Variants in PTPN4 observed in about 807,000 individuals in gnomAD.
The protein encoded by PTPN4 is protein tyrosine phosphatase non-receptor type 4, also known as tyrosine-protein phosphatase non-receptor type 4.
In PTPN4, 49 loss-of-function variants were observed where a neutral mutation model predicts 135.5. The ratio of observed to expected loss-of-function variants is 0.36; its 90% CI spans 0.29 to 0.46. The LOEUF is 0.46. PTPN4 is among the 20% of genes least tolerant of loss of function. The pLI, the probability that PTPN4 is intolerant of heterozygous loss-of-function variation, is 1.00. For synonymous variants in PTPN4, 333 were observed against 369.9 expected (o/e 0.90, Z 1.14); for missense variants, 860 against 1,101.0 (o/e 0.78, Z 3.10).
chr2:119,854,087 A>G (rs1677636625), intron 2 of PTPN4, among the ~76,000 whole-genome samples: 2 of 152,222 alleles, frequency 1.3e-5, no homozygotes, highest in South Asian at 2.1e-4. Flanking sequence ...GGCTCAGGGC[A>G]TTGGTTTGAC....
chr2:119,793,279 T>C (rs1177692524), intron 1 of PTPN4, among the ~76,000 whole-genome samples: 5 of 152,220 alleles, frequency 3.3e-5, no homozygotes, highest in African/African-American at 4.8e-5. Context: ...GGGGAAAGAA[T>C]TCAGCGATGT....
chr2:119,920,253 T>C lies in PTPN4; in HGVS notation c.1001+12T>C. ...AAATTCCGGTACTGGTAAGTATTGCTTCTGTGTTAAGGCTTTATTGTTGGA... is the reference window on the plus strand; with the variant it reads ...AAATTCCGGTACTGGTAAGTATTGCCTCTGTGTTAAGGCTTTATTGTTGGA... On this transcript the variant is annotated intron_variant, in intron 12 of 26. Transcript: ENST00000263708. 3.1e-6 allele frequency: 5 copies of C among 1,594,330 alleles called. No homozygotes were observed. Among genetic ancestry groups the C allele is most frequent in the Non-Finnish European group, 4.3e-6 (5 of 1,166,768 alleles).
intron 23 of PTPN4, among the ~76,000 whole-genome samples, chr2:119,961,887 G>C (rs1336296781): frequency 6.6e-6 from 1 of 152,146 alleles, no homozygotes; most frequent in Non-Finnish European, 1.5e-5. Flanking sequence ...GGGTAAGGAT[G>C]GGGGAACGGA....
In PTPN4 at chr2:119,979,440, A is replaced by G. The variant is rs1265505007; in HGVS notation, c.*2370A>G. The G allele has an allele frequency of 1.3e-5, 2 of 152,142 alleles. No homozygotes were observed. Among genetic ancestry groups the G allele is most frequent in the Non-Finnish European group, 2.9e-5 (2 of 67,984 alleles). 9.4% of individuals were successfully genotyped at this position (152,142 alleles called of 1,614,324 possible). Reference sequence around the variant, plus strand: ...TTAGAATTACATTTAAATTTCTCATATATGAATTTTTCATCTGGGAACTAC... The same window carrying G: ...TTAGAATTACATTTAAATTTCTCATGTATGAATTTTTCATCTGGGAACTAC... On this transcript the variant is annotated 3_prime_UTR_variant, in exon 27 of 27. Coordinates refer to ENST00000263708, the MANE Select transcript of PTPN4 (RefSeq NM_002830.4).
chr2:119,784,828 A>G (rs952296939), intron 1 of PTPN4, among the ~76,000 whole-genome samples: 7 of 150,532 alleles, frequency 4.7e-5, no homozygotes, highest in African/African-American at 1.5e-4. Flanking sequence ...GTGAGCCACC[A>G]TGCCTGGTCA....
At chr2:119,860,173 C>G (rs894377578) in intron 2 of PTPN4, among the ~76,000 whole-genome samples, 9 of 152,104 alleles carry the variant, frequency 5.9e-5, no homozygotes, top group Non-Finnish European at 1.0e-4. Context: ...CTTCCCCAGA[C>G]AAATATAATC....
At chr2:119,796,905 T>C (rs1028118930) in intron 1 of PTPN4, among the ~76,000 whole-genome samples, 3 of 151,148 alleles carry the variant, frequency 2.0e-5, no homozygotes, top group African/African-American at 7.3e-5. Context: ...TGTTTTGCCA[T>C]TCTGATAGGT....
chr2:119,973,002 A>G (rs1013394836), intron 26 of PTPN4, among the ~76,000 whole-genome samples: 5 of 152,174 alleles, frequency 3.3e-5, no homozygotes, highest in African/African-American at 1.2e-4. Flanking sequence ...GGATTTTTAA[A>G]AAGATTTTAA....
intron 15 of PTPN4, among the ~76,000 whole-genome samples, chr2:119,935,704 A>T (rs1007983212): frequency 1.3e-5 from 2 of 152,182 alleles, no homozygotes; most frequent in African/African-American, 4.8e-5. Context: ...GAGATTTAAT[A>T]TTTTATTACT....
chr2:119,857,843 T>C (rs950855491), intron 2 of PTPN4, among the ~76,000 whole-genome samples: 1 of 152,188 alleles, frequency 6.6e-6, no homozygotes, highest in African/African-American at 2.4e-5. Flanking sequence ...TTTCCTGATA[T>C]GGTTTGGATG....
intron 8 of PTPN4, among the ~76,000 whole-genome samples, chr2:119,884,687 T>A (rs1021747487): frequency 6.6e-6 from 1 of 152,160 alleles, no homozygotes; most frequent in African/African-American, 2.4e-5. Context: ...ATTATATATA[T>A]CTATTTGGTT....
intron 1 of PTPN4, among the ~76,000 whole-genome samples, chr2:119,806,008 C>G (rs1204492330): frequency 6.6e-6 from 1 of 152,070 alleles, no homozygotes; most frequent in Admixed American, 6.6e-5. Context: ...AAATAAAATT[C>G]TTTACAGACA....
At chr2:119,880,542 G>C (rs1678055513) in intron 5 of PTPN4, among the ~76,000 whole-genome samples, 1 of 151,252 alleles carries the variant, frequency 6.6e-6, no homozygotes, top group African/African-American at 2.4e-5. Context: ...CCATTCTCCT[G>C]CCTTGGCCTC....
chr2:119,811,505 G>T (rs1192695893), intron 2 of PTPN4, among the ~76,000 whole-genome samples: 1 of 152,024 alleles, frequency 6.6e-6, no homozygotes, highest in Non-Finnish European at 1.5e-5. Flanking sequence ...TGGAATATAG[G>T]TTGCCAAACA....
chr2:119,766,462 G>T (rs1268124969), intron 1 of PTPN4, among the ~76,000 whole-genome samples: 35 of 138,848 alleles, frequency 2.5e-4, no homozygotes, highest in African/African-American at 9.9e-4. Flanking sequence ...GTGTGTGTGT[G>T]TGTGTGTGTG....
At position 119,967,980 on chromosome 2, in the gene PTPN4, C is replaced by T. The variant is rs377275978; in HGVS notation, c.2694+8C>T. The T allele has an allele frequency of 1.7e-5, 26 of 1,574,194 alleles. No homozygotes were observed. The African/African-American group carries it at 1.8e-4, about 11-fold the overall frequency. ...ATGATGATCCAAACACCTGTGAGTACTGTACTTTATATACAAGTGTATATT... is the reference window on the plus strand; with the variant it reads ...ATGATGATCCAAACACCTGTGAGTATTGTACTTTATATACAAGTGTATATT... On this transcript the variant is annotated splice_region_variant and intron_variant, in intron 26 of 26. Transcript: ENST00000263708.
intron 1 of PTPN4, among the ~76,000 whole-genome samples, chr2:119,766,845 G>A (rs1209407617): frequency 6.6e-6 from 1 of 152,152 alleles, no homozygotes; most frequent in Non-Finnish European, 1.5e-5. Flanking sequence ...AGTCCATTTG[G>A]ACATGGGGGG....
chr2:119,972,725 A>G (rs1679555129), intron 26 of PTPN4, among the ~76,000 whole-genome samples: 1 of 152,036 alleles, frequency 6.6e-6, no homozygotes, highest in Non-Finnish European at 1.5e-5. Context: ...GTAGAAGAAG[A>G]TCCCTTTGTT....
intron 12 of PTPN4, among the ~76,000 whole-genome samples, chr2:119,920,532 T>G (rs1678721881): frequency 6.6e-6 from 1 of 152,196 alleles, no homozygotes; most frequent in South Asian, 2.1e-4. Context: ...ATAATTTCTA[T>G]TGTGTCTTTA....
Sources: allele counts gnomAD v4.1 joint callset (sites outside exome capture counted in the v4.1 genomes callset), GRCh38; gene constraint gnomAD v4.1.1; transcripts MANE v1.5; gene names NCBI Gene and HGNC (gene_info 2026-07-23, HGNC 2026-07-21).